The following ZBTB20 variants were observed in gnomAD, a reference collection of about 807,000 sequenced individuals.
The protein encoded by ZBTB20 is zinc finger and BTB domain-containing protein 20.
Under a neutral mutation model 56.9 loss-of-function variants are expected in ZBTB20, and 9 were observed. The observed-to-expected ratio is 0.16, with a 90% CI of 0.10 to 0.28. The LOEUF (loss-of-function observed/expected upper bound fraction) is 0.28. ZBTB20 is among the 10% of genes least tolerant of loss of function. The probability of loss-of-function intolerance (pLI) is 1.00; values close to 1 mark genes in which losing one functional copy is unlikely to be tolerated. For missense variants in ZBTB20, 655 were observed against 1,003.0 expected, an observed-to-expected ratio of 0.65 and a Z score of 4.69; for synonymous variants, 417 against 420.7, an observed-to-expected ratio of 0.99 and a Z score of 0.11.
intron 1 of ZBTB20, among the ~76,000 whole-genome samples, chr3:115,146,944 C>A (rs1237920240): frequency 3.3e-5 from 5 of 150,998 alleles, no homozygotes; most frequent in Non-Finnish European, 7.4e-5. Flanking sequence ...CCGGGTCGGG[C>A]GAGGCAGCCG....
intron 4 of ZBTB20, among the ~76,000 whole-genome samples, chr3:114,809,800 A>G (rs1004359667): frequency 2.0e-5 from 3 of 152,150 alleles, no homozygotes; most frequent in African/African-American, 7.2e-5. Flanking sequence ...CATTTTATAT[A>G]GCATATTACA....
At chr3:114,572,032 T>C (rs534853539) in intron 6 of ZBTB20, among the ~76,000 whole-genome samples, 1 of 151,706 alleles carries the variant, frequency 6.6e-6, no homozygotes, top group Non-Finnish European at 1.5e-5. Flanking sequence ...GGCATGATGT[T>C]ATTTGACATG....
chr3:114,482,104 C>T (rs1265112362), intron 7 of ZBTB20, among the ~76,000 whole-genome samples: 1 of 152,086 alleles, frequency 6.6e-6, no homozygotes, highest in Non-Finnish European at 1.5e-5. Context: ...GGACTATGGA[C>T]TTAAGATAAC....
chr3:114,532,707 G>A (rs2047999193), intron 6 of ZBTB20, among the ~76,000 whole-genome samples: 1 of 152,188 alleles, frequency 6.6e-6, no homozygotes, highest in South Asian at 2.1e-4. Context: ...ACACCTCCCA[G>A]CAGGGGTCAA....
chr3:114,729,744 C>T (rs1008996589), intron 5 of ZBTB20, among the ~76,000 whole-genome samples: 2 of 151,952 alleles, frequency 1.3e-5, no homozygotes, highest in Admixed American at 6.6e-5. Flanking sequence ...ACCTTGCTAT[C>T]GAGGATTTTT....
At chr3:114,482,918 A>G (rs565873238) in intron 7 of ZBTB20, among the ~76,000 whole-genome samples, 1 of 152,152 alleles carries the variant, frequency 6.6e-6, no homozygotes, top group Non-Finnish European at 1.5e-5. Flanking sequence ...TTCTCCAAAC[A>G]TTTATTGAGA....
At chr3:114,980,871 T>G (rs917337591) in intron 2 of ZBTB20, among the ~76,000 whole-genome samples, 2 of 152,024 alleles carry the variant, frequency 1.3e-5, no homozygotes, top group South Asian at 2.1e-4. Context: ...GTTGGTTAGT[T>G]AAATGTTCTG....
chr3:115,030,651 T>G (rs958437190), intron 2 of ZBTB20, among the ~76,000 whole-genome samples: 2 of 151,088 alleles, frequency 1.3e-5, no homozygotes, highest in Non-Finnish European at 3.0e-5. Context: ...AAAAAAAGAC[T>G]TAACGTCATG....
chr3:114,713,605 G>T (rs2064246963), intron 5 of ZBTB20, among the ~76,000 whole-genome samples: 1 of 152,126 alleles, frequency 6.6e-6, no homozygotes, highest in African/African-American at 2.4e-5. Context: ...GCACAGAATA[G>T]CCATTGGAAT....
chr3:114,506,021 G>T lies in ZBTB20; in HGVS notation c.-294-5630C>A, dbSNP rs116798084. Among the ~76,000 whole-genome samples, 1,418 of 152,190 alleles carry T rather than the reference G, an allele frequency of 9.3e-3. 22 individuals are homozygous for T. The highest frequency in any genetic ancestry group is 0.031 in the African/African-American group (1,304 of 41,526). ...ATTTATATGTGCATACAGAACCTGT[G>T]CCATCACTCTCTAGGTACTTTGGGG... On this transcript the variant is annotated intron_variant, in intron 6 of 11. Transcript: ENST00000675478.
chr3:114,486,836 G>A (rs1354299212), intron 7 of ZBTB20, among the ~76,000 whole-genome samples: 1 of 152,192 alleles, frequency 6.6e-6, no homozygotes, highest in Non-Finnish European at 1.5e-5. Flanking sequence ...AGTGTGAGAG[G>A]TAAGGTGACC....
chr3:114,344,667 G>A (rs757701473), intron 11 of ZBTB20, among the ~76,000 whole-genome samples: 8 of 152,146 alleles, frequency 5.3e-5, no homozygotes, highest in Non-Finnish European at 1.0e-4. Flanking sequence ...TAATATCATG[G>A]CCTTCTCACT....
chr3:114,663,099 A>C (rs899568147), intron 6 of ZBTB20, among the ~76,000 whole-genome samples: 1 of 150,296 alleles, frequency 6.7e-6, no homozygotes, highest in African/African-American at 2.5e-5. Context: ...GATTCACCAA[A>C]GTTGAAATGA....
chr3:114,732,889 G>A (rs2108550035), intron 5 of ZBTB20, among the ~76,000 whole-genome samples: 1 of 152,244 alleles, frequency 6.6e-6, no homozygotes, highest in South Asian at 2.1e-4. Flanking sequence ...AGAAGGGCTA[G>A]AGATCACACA....
intron 3 of ZBTB20, among the ~76,000 whole-genome samples, chr3:114,937,433 T>G (rs2076575677): frequency 6.6e-6 from 1 of 151,926 alleles, no homozygotes; most frequent in Non-Finnish European, 1.5e-5. Context: ...TTCTTCTTTT[T>G]TTTTTTTAGA....
chr3:114,875,609 A>C (rs1210186946), intron 4 of ZBTB20, among the ~76,000 whole-genome samples: 1 of 152,202 alleles, frequency 6.6e-6, no homozygotes, highest in African/African-American at 2.4e-5. Context: ...GCATAGAGAG[A>C]GTTATATAGA....
chr3:114,841,248 A>G (rs1015212885), intron 4 of ZBTB20, among the ~76,000 whole-genome samples: 1 of 152,200 alleles, frequency 6.6e-6, no homozygotes, highest in Non-Finnish European at 1.5e-5. Flanking sequence ...GACTTGCAAG[A>G]TTGGTTTTAT....
intron 6 of ZBTB20, among the ~76,000 whole-genome samples, chr3:114,593,802 C>T (rs1301085242): frequency 6.6e-6 from 1 of 152,060 alleles, no homozygotes; most frequent in East Asian, 1.9e-4. Context: ...TGAGTGGTGC[C>T]TATCATTAGG....
intron 7 of ZBTB20, among the ~76,000 whole-genome samples, chr3:114,444,052 G>C (rs928584707): frequency 2.0e-5 from 3 of 152,126 alleles, no homozygotes; most frequent in Admixed American, 2.0e-4. Flanking sequence ...AAAGGAACAT[G>C]GATGGGAAAA....
Sources: gnomAD v4.1 joint callset for allele counts (sites outside exome capture counted in the v4.1 genomes callset) on GRCh38, gnomAD v4.1.1 for gene constraint, MANE v1.5 for transcripts, NCBI Gene and HGNC (gene_info 2026-07-23, HGNC 2026-07-21) for gene names.